The following APP variants were observed in gnomAD, a reference collection of about 807,000 sequenced individuals.
APP encodes the protein amyloid beta precursor protein.
In APP, 31 loss-of-function variants were observed where a neutral mutation model predicts 101.4. That is an observed-to-expected ratio of 0.31 (90% CI 0.23 to 0.41). The LOEUF (loss-of-function observed/expected upper bound fraction) is 0.41. APP is among the 10% of genes least tolerant of loss of function. The pLI, the probability that APP is intolerant of heterozygous loss-of-function variation, is 1.00. For synonymous variants in APP, 366 were observed against 364.4 expected (o/e 1.00, Z -0.05); for missense variants, 839 against 1,003.7 (o/e 0.84, Z 2.22).
chr21:26,019,234 C>T (rs534545354), intron 6 of APP, among the ~76,000 whole-genome samples: 1 of 152,360 alleles, frequency 6.6e-6, no homozygotes, highest in East Asian at 1.9e-4. Flanking sequence ...CTTTGCCAGC[C>T]TGGCATTGAA....
Position 26,132,524 on chromosome 21 carries a change from A to C in APP, c.58-20378T>G, listed in dbSNP as rs199728361. Among the ~76,000 whole-genome samples the C allele has an allele frequency of 2.8e-4, 8 of 28,582 alleles. No homozygotes were observed. The African/African-American group carries it at 0.013, about 46-fold the overall frequency. 18.8% of individuals were successfully genotyped at this position (28,582 alleles called of 152,430 possible). On this transcript the variant is annotated intron_variant, in intron 1 of 17. Coordinates refer to ENST00000346798, the MANE Select transcript of APP (RefSeq NM_000484.4). ...TTACTTTTAGTTCTCCTCTACCTTTAAAAAAAAGTTTCTCTCCTACTCGTG... is the reference window on the plus strand; with the variant it reads ...TTACTTTTAGTTCTCCTCTACCTTTCAAAAAAAGTTTCTCTCCTACTCGTG...
At chr21:26,170,138 G>T (rs114660499) in intron 1 of APP, among the ~76,000 whole-genome samples, 2,865 of 152,290 alleles carry the variant, frequency 0.019, 92 homozygotes, top group African/African-American at 0.063. Context: ...GAAAGGAAAG[G>T]GCAACGATTC....
intron 13 of APP, among the ~76,000 whole-genome samples, chr21:25,941,009 T>C (rs1488000135): frequency 6.6e-6 from 1 of 152,222 alleles, no homozygotes; most frequent in African/African-American, 2.4e-5. Flanking sequence ...TCCCTGGGCA[T>C]GGTATTTGCA....
intron 5 of APP, among the ~76,000 whole-genome samples, chr21:26,049,343 G>A (rs184134011): frequency 1.4e-4 from 22 of 152,300 alleles, no homozygotes; most frequent in Admixed American, 9.2e-4. Context: ...CAACAAACAC[G>A]TACTGGGCAC....
chr21:25,935,869 A>T (rs1194933846), intron 13 of APP, among the ~76,000 whole-genome samples: 1 of 150,768 alleles, frequency 6.6e-6, no homozygotes, highest in East Asian at 1.9e-4. Flanking sequence ...AAACCTGTCA[A>T]ATCCCTCCAT....
At chr21:25,931,871 G>C (rs1448825012) in intron 13 of APP, among the ~76,000 whole-genome samples, 2 of 152,188 alleles carry the variant, frequency 1.3e-5, no homozygotes, top group Non-Finnish European at 2.9e-5. Context: ...CTTCTATGCT[G>C]AAACAGCCCA....
At chr21:26,167,970 G>T (rs771619916) in intron 1 of APP, among the ~76,000 whole-genome samples, 3 of 152,098 alleles carry the variant, frequency 2.0e-5, no homozygotes, top group Non-Finnish European at 2.9e-5. Context: ...TACCTTTAGC[G>T]AGGTACTAGT....
At chr21:26,073,717 T>C (rs1311917773) in intron 3 of APP, among the ~76,000 whole-genome samples, 1 of 152,172 alleles carries the variant, frequency 6.6e-6, no homozygotes, top group Admixed American at 6.5e-5. Flanking sequence ...AGGGTCTTTA[T>C]GAAGTCAAAG....
intron 11 of APP, among the ~76,000 whole-genome samples, chr21:25,958,788 T>C (rs2041447252): frequency 6.6e-6 from 1 of 152,198 alleles, no homozygotes. Flanking sequence ...CATCGACCCC[T>C]TTCTTTCCTC....
Position 26,028,540 on chromosome 21 carries a change from G to A in APP, c.663-6498C>T, listed in dbSNP as rs115263934. ...GGCACTGAGTTTTAACAGTGAGGAA[G>A]GGTAAACTGCAGAGACACGGGGATT... On this transcript the variant is annotated intron_variant, in intron 5 of 17. Coordinates refer to ENST00000346798, the MANE Select transcript of APP (RefSeq NM_000484.4). 7.7e-3 allele frequency among the ~76,000 whole-genome samples: 1,166 copies of A among 152,268 alleles called. 18 individuals carry two copies. Among genetic ancestry groups the A allele is most frequent in the East Asian group, 0.021 (109 of 5,190 alleles).
chr21:26,065,879 AG>A (rs1379759508), intron 3 of APP, among the ~76,000 whole-genome samples: 1 of 152,228 alleles, frequency 6.6e-6, no homozygotes, highest in Non-Finnish European at 1.5e-5. Context: ...TAAGAGTAAT[AG>A]TTGTTAAAGC....
chr21:26,087,902 ATAT>A (rs1328148972), intron 3 of APP, among the ~76,000 whole-genome samples: 2 of 152,232 alleles, frequency 1.3e-5, no homozygotes, highest in Non-Finnish European at 2.9e-5. Flanking sequence ...TGTAATTATA[ATAT>A]TATTATAAAA....
intron 6 of APP, chr21:26,009,507 C>A (rs1305764557): frequency 1.3e-5 from 2 of 151,942 alleles, no homozygotes; most frequent in Non-Finnish European, 2.9e-5. Flanking sequence ...TCAGAAATAT[C>A]AAAGTTTTTA....
chr21:25,939,863 C>G (rs923139407), intron 13 of APP, among the ~76,000 whole-genome samples: 2 of 151,828 alleles, frequency 1.3e-5, no homozygotes, highest in African/African-American at 4.8e-5. Flanking sequence ...TTTATTTTGA[C>G]TGACATCAGC....
Position 26,000,032 on chromosome 21 carries a change from G to GC in APP, c.1015dup (p.Ala339GlyfsTer25). ...CCACTTACTGGCGCTGCCACACACG[G>GC]CCATGCAGTACTCTTCTGTGTCAAA... On this transcript the variant is annotated frameshift_variant, in exon 7 of 18. Coordinates refer to ENST00000346798, the MANE Select transcript of APP (RefSeq NM_000484.4). LOFTEE classifies it high-confidence loss of function. 1 of 1,614,058 alleles carries GC rather than the reference G, an allele frequency of 6.2e-7. No individual in the cohort carries two copies. The highest frequency in any genetic ancestry group is 8.5e-7 in the Non-Finnish European group (1 of 1,179,998).
At chr21:26,004,039 G>A (rs1231271443) in intron 6 of APP, among the ~76,000 whole-genome samples, 1 of 152,166 alleles carries the variant, frequency 6.6e-6, no homozygotes, top group Non-Finnish European at 1.5e-5. Flanking sequence ...GAGAATCTTA[G>A]CCTACTCTGG....
chr21:26,089,904 G>A (rs937708584), intron 3 of APP, 39 bp downstream of exon 3: 6 of 1,612,856 alleles, frequency 3.7e-6, no homozygotes, highest in Admixed American at 1.7e-5. Context: ...TCAAGACCAG[G>A]CCCCCAATCA....
intron 5 of APP, among the ~76,000 whole-genome samples, chr21:26,027,666 T>G (rs1435651405): frequency 6.6e-6 from 1 of 151,938 alleles, no homozygotes; most frequent in African/African-American, 2.4e-5. Context: ...GAGAGAGGAT[T>G]CTAGGGGCCA....
At chr21:25,931,354 G>C (rs1013416470) in intron 13 of APP, among the ~76,000 whole-genome samples, 35 of 152,304 alleles carry the variant, frequency 2.3e-4, no homozygotes, top group African/African-American at 8.2e-4. Flanking sequence ...TGTGGTACAA[G>C]GGAAGTGAAA....
Sources: gnomAD v4.1 joint callset for allele counts (sites outside exome capture counted in the v4.1 genomes callset) on GRCh38, gnomAD v4.1.1 for gene constraint, MANE v1.5 for transcripts, NCBI Gene and HGNC (gene_info 2026-07-23, HGNC 2026-07-21) for gene names.